NAPG: variants seen among roughly 807,000 people sequenced by gnomAD.
NAPG encodes the protein NSF attachment protein gamma.
In NAPG, 25 loss-of-function variants were observed where a neutral mutation model predicts 48.4. The observed-to-expected ratio is 0.52, with a 90% confidence interval of 0.38 to 0.72. NAPG has a LOEUF of 0.72. NAPG is among the 30% of genes least tolerant of loss of function. The pLI, the probability that NAPG is intolerant of heterozygous loss-of-function variation, is 0.00. For synonymous variants in NAPG, 139 were observed against 127.2 expected (o/e 1.09, Z -0.62); for missense variants, 359 against 372.5 (o/e 0.96, Z 0.30).
At position 10,550,099 on chromosome 18, in the gene NAPG, TG is replaced by T. The variant is rs1373603858; in HGVS notation, c.820del (p.Val274TrpfsTer55). 1 of 1,569,142 alleles carries T rather than the reference TG, an allele frequency of 6.4e-7. No homozygotes were observed. The highest frequency in any genetic ancestry group is 8.6e-7 in the Non-Finnish European group (1 of 1,162,652). ...DNDYAKLGLS[L>X]VVPGGGIKKK... Reference sequence around the variant, plus strand: ...CAGTATGCTAAGCTGGGCCTGAGTTTGGTGGTTCCAGGAGGGGGAATCAAGA... The same window carrying T: ...CAGTATGCTAAGCTGGGCCTGAGTTTGTGGTTCCAGGAGGGGGAATCAAGA... On this transcript the variant is annotated frameshift_variant, in exon 12 of 12. Coordinates refer to ENST00000322897, the MANE Select transcript of NAPG (RefSeq NM_003826.3). LOFTEE classifies it low-confidence loss of function (END_TRUNC).
At chr18:10,528,467 T>C (rs2031864693) in intron 1 of NAPG, among the ~76,000 whole-genome samples, 1 of 152,168 alleles carries the variant, frequency 6.6e-6, no homozygotes, top group African/African-American at 2.4e-5. Context: ...AAAGGTAATA[T>C]GCTCAGGATG....
Position 10,550,246 on chromosome 18 carries a change from G to A in NAPG, c.*26G>A. On this transcript the variant is annotated 3_prime_UTR_variant, in exon 12 of 12. Coordinates refer to ENST00000322897, the MANE Select transcript of NAPG (RefSeq NM_003826.3). The stretch of plus-strand genomic sequence containing the variant: ...TATTTTGCTTGCTGAAAAGAAAAGG[G>A]AAACAAAGGTAAAATCCTGACATGC... 1 of 1,563,146 alleles carries A rather than the reference G, an allele frequency of 6.4e-7. No individual in the cohort carries two copies. Among genetic ancestry groups the A allele is most frequent in the Non-Finnish European group, 8.6e-7 (1 of 1,158,984 alleles).
chr18:10,545,589 G>A (rs1005220345), intron 8 of NAPG, among the ~76,000 whole-genome samples: 2 of 152,136 alleles, frequency 1.3e-5, no homozygotes, highest in African/African-American at 4.8e-5. Flanking sequence ...GGCATTTGGA[G>A]TATACTACAG....
chr18:10,528,262 T>C (rs1254122283), intron 1 of NAPG, among the ~76,000 whole-genome samples: 4 of 152,130 alleles, frequency 2.6e-5, no homozygotes, highest in Admixed American at 6.5e-5. Flanking sequence ...ACATATTCAG[T>C]AAACGAACAT....
chr18:10,531,583 C>G (rs1042228888), intron 2 of NAPG, among the ~76,000 whole-genome samples: 1 of 152,188 alleles, frequency 6.6e-6, no homozygotes, highest in African/African-American at 2.4e-5. Flanking sequence ...GGTTAAACAG[C>G]AAATGAGTCT....
rs1463340511 is a variant in NAPG at position 10,543,392 on chromosome 18, A to G, written c.507-2934A>G. 6.6e-6 allele frequency among the ~76,000 whole-genome samples: 1 copy of G among 152,194 alleles called. No homozygotes were observed. Among genetic ancestry groups the G allele is most frequent in the Non-Finnish European group, 1.5e-5 (1 of 68,034 alleles). ...GGTGGGATGTGTGCTATTAAGGAGA[A>G]TCACTGGGTTTCTGTCTTGCATAAC... is the stretch of plus-strand genomic sequence containing the variant. On this transcript the variant is annotated intron_variant, in intron 8 of 11. Coordinates refer to ENST00000322897, the MANE Select transcript of NAPG (RefSeq NM_003826.3). This position sits in a 1 kb window ranked among gnomAD's most constrained non-coding sequence, Gnocchi z 4.4.
In NAPG at chr18:10,540,381, T is replaced by G; in HGVS notation, c.488T>G (p.Leu163Arg). The G allele has an allele frequency of 6.2e-7, 1 of 1,613,482 alleles. No homozygotes were observed. Among genetic ancestry groups the G allele is most frequent in the Non-Finnish European group, 8.5e-7 (1 of 1,179,530 alleles). The change falls in exon 8 of 12, where the codon CTA becomes CGA. Residue 163 changes from leucine to arginine, a missense_variant. Physicochemically the swap from Leu to Arg is moderately radical, Grantham distance 102. Transcript: ENST00000322897. ...AVELLGKASR[L>R]LVRGRRFDEA... The stretch of plus-strand genomic sequence containing the variant: ...GAATTACTAGGAAAAGCCTCCAGAC[T>G]ACTAGTACGAGGACGTAGGTATGTC...
Position 10,550,623 on chromosome 18 carries a change from A to C in NAPG, c.*403A>C, listed in dbSNP as rs1452066808. 1 of 156,008 alleles carries C rather than the reference A, an allele frequency of 6.4e-6. No homozygotes were observed. The highest frequency in any genetic ancestry group is 1.4e-5 in the Non-Finnish European group (1 of 70,702). 9.7% of individuals were successfully genotyped at this position (156,008 alleles called of 1,614,324 possible). A position where few individuals can be genotyped will look rare whatever the true frequency, so the allele number is the denominator to read the frequency against. Reference sequence around the variant, plus strand: ...ACGTTTCATTTAATAATTGCTGCTAAAGGTGATGTTTACTGATAAATCATT... The same window carrying C: ...ACGTTTCATTTAATAATTGCTGCTACAGGTGATGTTTACTGATAAATCATT... On this transcript the variant is annotated 3_prime_UTR_variant, in exon 12 of 12. Transcript: ENST00000322897.
chr18:10,526,028 T>C lies in NAPG; in HGVS notation c.-75T>C. 6.9e-7 allele frequency: 1 copy of C among 1,451,346 alleles called. No individual in the cohort carries two copies. The highest frequency in any genetic ancestry group is 1.2e-5 in the South Asian group (1 of 86,938). The allele number at this position is 1,451,346 out of a possible 1,614,324, so 89.9% of individuals were successfully genotyped here. Reference sequence around the variant, plus strand: ...GCTTCCTCCTCGGCGTTCCCACGCCTATTTGGGCGGATTCTTGGCGCCGGA... The same window carrying C: ...GCTTCCTCCTCGGCGTTCCCACGCCCATTTGGGCGGATTCTTGGCGCCGGA... On this transcript the variant is annotated 5_prime_UTR_variant, in exon 1 of 12. Transcript: ENST00000322897.
At chr18:10,532,654 A>C in intron 2 of NAPG, 57 bp from the exon 3 acceptor site, 1 of 1,313,050 alleles carries the variant, frequency 7.6e-7, no homozygotes, top group South Asian at 1.3e-5. Flanking sequence ...AGATTTCAGT[A>C]ATGATTCATT....
chr18:10,548,805 C>T lies in NAPG; in HGVS notation c.666-162C>T, dbSNP rs912127173. 1.3e-5 allele frequency among the ~76,000 whole-genome samples: 2 copies of T among 151,996 alleles called. No individual in the cohort carries two copies. Among genetic ancestry groups the T allele is most frequent in the African/African-American group, 2.4e-5 (1 of 41,390 alleles). ...GTCCTGTGCACTGTAGGCTGGTTAG[C>T]GGGATCCCCGGTCTCTGCCCTCTAG... On this transcript the variant is annotated intron_variant, in intron 10 of 11. Coordinates refer to ENST00000322897, the MANE Select transcript of NAPG (RefSeq NM_003826.3). This position sits in a 1 kb window ranked among gnomAD's most constrained non-coding sequence, Gnocchi z 4.4.
In NAPG at chr18:10,551,133, C is replaced by T. The variant is rs1189169371; in HGVS notation, c.*913C>T. The T allele has an allele frequency of 3.3e-5, 5 of 150,904 alleles. No individual in the cohort carries two copies. The highest frequency in any genetic ancestry group is 9.8e-5 in the African/African-American group (4 of 41,000). 9.3% of individuals were successfully genotyped at this position (150,904 alleles called of 1,614,324 possible). A position where few individuals can be genotyped will look rare whatever the true frequency, so the allele number is the denominator to read the frequency against. On this transcript the variant is annotated 3_prime_UTR_variant, in exon 12 of 12. Coordinates refer to ENST00000322897, the MANE Select transcript of NAPG (RefSeq NM_003826.3). Reference sequence around the variant, plus strand: ...TATTTTTTTTGTTGAGATGGAGTTGCTCCATGTTGCACAGGCTGTTCTCAA... The same window carrying T: ...TATTTTTTTTGTTGAGATGGAGTTGTTCCATGTTGCACAGGCTGTTCTCAA...
At position 10,534,320 on chromosome 18, in the gene NAPG, G is replaced by A. The variant is rs1302328639; in HGVS notation, c.228-146G>A. 1.9e-6 allele frequency: 1 copy of A among 520,402 alleles called. No individual in the cohort carries two copies. Among genetic ancestry groups the A allele is most frequent in the Non-Finnish European group, 3.5e-6 (1 of 284,722 alleles). 32.2% of individuals were successfully genotyped at this position (520,402 alleles called of 1,614,324 possible). A position where few individuals can be genotyped will look rare whatever the true frequency, so the allele number is the denominator to read the frequency against. ...AAAAAAGAATAAAAAATTATATTGT[G>A]TGGTAATATAAGCCTGAAGTGATAT... On this transcript the variant is annotated intron_variant, in intron 4 of 11. Transcript: ENST00000322897. This position sits in a 1 kb window ranked among gnomAD's most constrained non-coding sequence, Gnocchi z 5.0.
At chr18:10,528,473 G>A (rs2031864858) in intron 1 of NAPG, among the ~76,000 whole-genome samples, 1 of 152,230 alleles carries the variant, frequency 6.6e-6, no homozygotes, top group Non-Finnish European at 1.5e-5. Flanking sequence ...AATATGCTCA[G>A]GATGTGGGGA....
At position 10,550,261 on chromosome 18, in the gene NAPG, T is replaced by C; in HGVS notation, c.*41T>C. 6.4e-7 allele frequency: 1 copy of C among 1,552,258 alleles called. No individual in the cohort carries two copies. Among genetic ancestry groups the C allele is most frequent in the Non-Finnish European group, 8.7e-7 (1 of 1,154,010 alleles). On this transcript the variant is annotated 3_prime_UTR_variant, in exon 12 of 12. Transcript: ENST00000322897. ...AAAGAAAAGGGAAACAAAGGTAAAATCCTGACATGCCATTTCAAGGACTTG... is the reference window on the plus strand; with the variant it reads ...AAAGAAAAGGGAAACAAAGGTAAAACCCTGACATGCCATTTCAAGGACTTG...
intron 9 of NAPG, among the ~76,000 whole-genome samples, chr18:10,547,902 T>G (rs1010135811): frequency 6.6e-6 from 1 of 150,484 alleles, no homozygotes; most frequent in Non-Finnish European, 1.5e-5. Flanking sequence ...ATCATTGTGG[T>G]GTTACGGGTC....
chr18:10,545,892 C>A (rs2032252963), intron 8 of NAPG, among the ~76,000 whole-genome samples: 1 of 152,200 alleles, frequency 6.6e-6, no homozygotes, highest in Non-Finnish European at 1.5e-5. Context: ...ACTGGGGCAG[C>A]AGCGGAGTAT....
rs758281377 is a variant in NAPG, at chr18:10,548,417, A to G, written c.665+39A>G. 6.0e-6 allele frequency: 9 copies of G among 1,495,918 alleles called. No homozygotes were observed. Among genetic ancestry groups the G allele is most frequent in the Non-Finnish European group, 8.4e-6 (9 of 1,073,042 alleles). 92.7% of individuals were successfully genotyped at this position (1,495,918 alleles called of 1,614,324 possible). ...TGGGCCCTCTTGACTTGCAGTGGCGACACCTCTGTGTCTACAACTAAGATT... is the reference window on the plus strand; with the variant it reads ...TGGGCCCTCTTGACTTGCAGTGGCGGCACCTCTGTGTCTACAACTAAGATT... On this transcript the variant is annotated intron_variant, in intron 10 of 11. Transcript: ENST00000322897. The surrounding 1 kb of genome is among the most constrained non-coding windows in gnomAD (Gnocchi z 4.4).
Position 10,539,774 on chromosome 18 carries a change from C to G in NAPG, c.271C>G (p.Leu91Val). 1.2e-6 allele frequency: 2 copies of G among 1,613,970 alleles called. No homozygotes were observed. The highest frequency in any genetic ancestry group is 2.2e-5 in the South Asian group (2 of 91,082). The change falls in exon 6 of 12, where the codon CTA (leucine) becomes GTA (valine). Residue 91 changes from leucine to valine, a missense_variant. Leu to Val is a conservative substitution (Grantham distance 32, BLOSUM62 1). Transcript: ENST00000322897. This position sits in a 1 kb window ranked among gnomAD's most constrained non-coding sequence, Gnocchi z 4.7. ...CCTTTGCCCAAAGGAGATGCAGAAACTACCAGAGGCCGTTCAGCTAATTGA... is the reference window on the plus strand; with the variant it reads ...CCTTTGCCCAAAGGAGATGCAGAAAGTACCAGAGGCCGTTCAGCTAATTGA... ...AGMMLKEMQK[L>V]PEAVQLIEKA...
Sources: allele counts gnomAD v4.1 joint callset (sites outside exome capture counted in the v4.1 genomes callset), GRCh38; gene constraint gnomAD v4.1.1; non-coding constraint Gnocchi (gnomAD v3.1); transcripts MANE v1.5; gene names NCBI Gene and HGNC (gene_info 2026-07-23, HGNC 2026-07-21).